The following TESK2 variants were observed in gnomAD, a reference collection of about 807,000 sequenced individuals.
TESK2 encodes testis associated actin remodelling kinase 2.
TESK2 carries 39 observed loss-of-function variants against 57.1 expected under a neutral mutation model. The ratio of observed to expected loss-of-function variants is 0.68; its 90% CI spans 0.53 to 0.89. The LOEUF (loss-of-function observed/expected upper bound fraction) is 0.89, where lower values mean the gene tolerates loss of function less well. TESK2 is among the 40% of genes least tolerant of loss of function. TESK2 has a pLI of 0.00. For synonymous variants in TESK2, 249 were observed against 267.9 expected (o/e 0.93, Z 0.69); for missense variants, 646 against 732.1 (o/e 0.88, Z 1.36).
intron 1 of TESK2, among the ~76,000 whole-genome samples, chr1:45,490,229 A>T (rs755080764): frequency 1.3e-5 from 2 of 152,216 alleles, no homozygotes; most frequent in African/African-American, 2.4e-5. Context: ...TTCTTCTCAG[A>T]GGTATACAAT....
chr1:45,467,237 T>G (rs1298849306), intron 1 of TESK2, among the ~76,000 whole-genome samples: 2 of 152,258 alleles, frequency 1.3e-5, no homozygotes, highest in African/African-American at 4.8e-5. Context: ...ATATATCTGT[T>G]AATTTTATCA....
chr1:45,408,267 G>A (rs1019090306), intron 3 of TESK2, among the ~76,000 whole-genome samples: 22 of 152,112 alleles, frequency 1.4e-4, no homozygotes, highest in South Asian at 2.1e-4. Flanking sequence ...CTGGACATAG[G>A]ATTCTAAGTA....
At chr1:45,357,240 A>AATGT (rs1304278990) in intron 4 of TESK2, among the ~76,000 whole-genome samples, 19 of 122,394 alleles carry the variant, frequency 1.6e-4, no homozygotes, top group African/African-American at 5.9e-4. Context: ...TAAATAAATA[A>AATGT]ATGTATGTAT....
chr1:45,448,838 T>C (rs577411407), intron 2 of TESK2, among the ~76,000 whole-genome samples: 3 of 152,296 alleles, frequency 2.0e-5, no homozygotes, highest in Admixed American at 6.5e-5. Context: ...GATACTACTA[T>C]ATACCACTTA....
At chr1:45,436,478 C>CT (rs35561877) in intron 2 of TESK2, among the ~76,000 whole-genome samples, 5 of 33,662 alleles carry the variant, frequency 1.5e-4, no homozygotes, top group African/African-American at 3.8e-4. Context: ...CGTGCCTGGC[C>CT]TTTTTTTTTT....
chr1:45,372,179 T>G (rs898312265), intron 4 of TESK2, among the ~76,000 whole-genome samples: 1 of 151,152 alleles, frequency 6.6e-6, no homozygotes, highest in Non-Finnish European at 1.5e-5. Flanking sequence ...GCTTGGGAGA[T>G]CAAGGCTGCA....
At chr1:45,388,058 G>A (rs1648974718) in intron 3 of TESK2, among the ~76,000 whole-genome samples, 1 of 151,800 alleles carries the variant, frequency 6.6e-6, no homozygotes. Context: ...AAATAAGATG[G>A]GTCATTTTTC....
At chr1:45,476,846 C>CA (rs955484828) in intron 1 of TESK2, among the ~76,000 whole-genome samples, 10 of 148,216 alleles carry the variant, frequency 6.7e-5, no homozygotes, top group African/African-American at 1.5e-4. Flanking sequence ...GACTCCATCT[C>CA]AAAAAAAAAG....
At chr1:45,426,073 C>A (rs1650676724) in intron 2 of TESK2, among the ~76,000 whole-genome samples, 1 of 152,046 alleles carries the variant, frequency 6.6e-6, no homozygotes, top group Non-Finnish European at 1.5e-5. Flanking sequence ...ATGGCTTGAA[C>A]CCGGGAGGCA....
chr1:45,409,146 T>TA (rs1649949170), intron 3 of TESK2, among the ~76,000 whole-genome samples: 1 of 152,202 alleles, frequency 6.6e-6, no homozygotes, highest in Non-Finnish European at 1.5e-5. Context: ...GTGAAAAAGA[T>TA]AAACTTCTAC....
At chr1:45,423,117 G>A (rs1470178215) in intron 2 of TESK2, among the ~76,000 whole-genome samples, 1 of 152,114 alleles carries the variant, frequency 6.6e-6, no homozygotes, top group Non-Finnish European at 1.5e-5. Context: ...ACCTTGGTGA[G>A]TCTTAAGACA....
rs200501879 is a variant in TESK2, at chr1:45,355,304, T to G, written c.539A>C (p.Lys180Thr). The G allele has an allele frequency of 7.4e-6, 12 of 1,614,024 alleles. No homozygotes were observed. Among genetic ancestry groups the G allele is most frequent in the African/African-American group, 1.3e-5 (1 of 75,038 alleles). The change falls in exon 5 of 11, where the codon AAG (lysine) becomes ACG (threonine). Residue 180 changes from lysine to threonine, a missense_variant and splice_region_variant. Lys to Thr is a moderately conservative substitution (Grantham distance 78). Coordinates refer to ENST00000372086, the MANE Select transcript of TESK2 (RefSeq NM_007170.3). ...KGIFHRDLTS[K>T]NCLIKRDENG... ...GTTGTGAGAGTAAAGCCTTCATACC[T>G]TAGATGTGAGGTCCCGATGAAAAAT...
intron 1 of TESK2, among the ~76,000 whole-genome samples, chr1:45,471,469 G>A (rs964455326): frequency 4.0e-5 from 6 of 151,262 alleles, no homozygotes; most frequent in African/African-American, 1.2e-4. Flanking sequence ...ACAGTGGTGC[G>A]ATCTCGGCTC....
intron 1 of TESK2, among the ~76,000 whole-genome samples, chr1:45,476,098 C>G (rs560977256): frequency 3.3e-5 from 5 of 152,296 alleles, no homozygotes; most frequent in African/African-American, 1.2e-4. Flanking sequence ...TTAATAAACT[C>G]CCTTTCATAT....
intron 4 of TESK2, among the ~76,000 whole-genome samples, chr1:45,384,741 T>C (rs912129720): frequency 6.6e-6 from 1 of 151,608 alleles, no homozygotes; most frequent in African/African-American, 2.4e-5. Context: ...TCATCTTCTC[T>C]ATCTAAACTC....
At chr1:45,401,033 A>C (rs1649574683) in intron 3 of TESK2, among the ~76,000 whole-genome samples, 1 of 151,008 alleles carries the variant, frequency 6.6e-6, no homozygotes, top group Admixed American at 6.6e-5. Flanking sequence ...CTTAAAAAAA[A>C]AAAAAAAAAA....
chr1:45,423,384 C>T (rs993138732), intron 2 of TESK2, among the ~76,000 whole-genome samples: 12 of 151,928 alleles, frequency 7.9e-5, no homozygotes, highest in Admixed American at 1.3e-4. Flanking sequence ...GGTGAAATCC[C>T]GTCTCTACTA....
intron 1 of TESK2, among the ~76,000 whole-genome samples, chr1:45,485,474 A>T (rs1438604433): frequency 2.0e-5 from 3 of 150,564 alleles, no homozygotes; most frequent in Non-Finnish European, 4.4e-5. Context: ...GGCATGAGCC[A>T]CCGCGCCCAG....
At position 45,347,677 on chromosome 1, in the gene TESK2, G is replaced by A; in HGVS notation, c.640C>T (p.Leu214=). 6.2e-7 allele frequency: 1 copy of A among 1,614,168 alleles called. No individual in the cohort carries two copies. Among genetic ancestry groups the A allele is most frequent in the Non-Finnish European group, 8.5e-7 (1 of 1,180,014 alleles). Reference sequence around the variant, plus strand: ...CAGAATGGGGAACCCACCACGGCCAGCTTCTCACTCCCCATGCTGTGGGGT... The same window carrying A: ...CAGAATGGGGAACCCACCACGGCCAACTTCTCACTCCCCATGCTGTGGGGT... ...IPDVSMGSEK[L]AVVGSPFWMA... Residue 214 remains leucine, a synonymous_variant, in exon 7 of 11, where the codon CTG becomes TTG. Coordinates refer to ENST00000372086, the MANE Select transcript of TESK2 (RefSeq NM_007170.3).
Sources: allele counts gnomAD v4.1 joint callset (sites outside exome capture counted in the v4.1 genomes callset), GRCh38; gene constraint gnomAD v4.1.1; transcripts MANE v1.5; gene names NCBI Gene and HGNC (gene_info 2026-07-23, HGNC 2026-07-21).